The following MTSS1 variants were observed in gnomAD, a reference collection of about 807,000 sequenced individuals.
MTSS1 encodes MTSS I-BAR domain containing 1.
Under a neutral mutation model 79.0 loss-of-function variants are expected in MTSS1, and 18 were observed. That is an observed-to-expected ratio of 0.23 (90% CI 0.16 to 0.34). The LOEUF is 0.34. Among genes scored for constraint, MTSS1 ranks in the 10% least tolerant of loss-of-function variants. MTSS1 has a pLI of 1.00. For missense variants in MTSS1, 815 were observed against 986.2 expected (o/e 0.83, Z 2.33); for synonymous variants, 341 against 368.6 (o/e 0.93, Z 0.86).
chr8:124,625,524 G>A (rs578089671), intron 3 of MTSS1, among the ~76,000 whole-genome samples: 13 of 152,298 alleles, frequency 8.5e-5, no homozygotes, highest in African/African-American at 2.4e-4. Context: ...GGACACAGAC[G>A]TTCAGTTCTC....
intron 6 of MTSS1, among the ~76,000 whole-genome samples, chr8:124,572,823 T>C (rs1828115197): frequency 6.7e-6 from 1 of 149,486 alleles, no homozygotes; most frequent in African/African-American, 2.5e-5. Context: ...CTCAGCTCAC[T>C]GCAACCTCCG....
intron 1 of MTSS1, among the ~76,000 whole-genome samples, chr8:124,717,225 C>T (rs1399036905): frequency 2.0e-5 from 3 of 152,118 alleles, no homozygotes; most frequent in African/African-American, 4.8e-5. Context: ...GGCATGGTGG[C>T]TCATGCCTGT....
Position 124,591,184 on chromosome 8 carries a change from C to T in MTSS1, c.260G>A (p.Arg87Lys), listed in dbSNP as rs750032571. 1 of 1,614,250 alleles carries T rather than the reference C, an allele frequency of 6.2e-7. No individual in the cohort carries two copies. Among genetic ancestry groups the T allele is most frequent in the South Asian group, 1.1e-5 (1 of 91,088 alleles). The change falls in exon 4 of 14, where the codon AGA becomes AAA. Residue 87 changes from arginine to lysine, a missense_variant. Arg to Lys is a conservative substitution (Grantham distance 26). Coordinates refer to ENST00000518547, the MANE Select transcript of MTSS1 (RefSeq NM_014751.6). ...SALTRMCMRHRSIEAKLRQFS... is the reference protein window; with the variant it reads ...SALTRMCMRHKSIEAKLRQFS... ...CTGCCTCAGCTTGGCTTCAATGCTT[C>T]TGTGCCTCATGCACATCCTGGTGAG...
intron 3 of MTSS1, among the ~76,000 whole-genome samples, chr8:124,646,190 T>G (rs1370101817): frequency 6.6e-6 from 1 of 152,214 alleles, no homozygotes; most frequent in African/African-American, 2.4e-5. Context: ...TCCATCTCAC[T>G]GGAATATTAG....
rs1833949412 is a variant in MTSS1 at position 124,727,764 on chromosome 8, AGGTGGCC to A, written c.72+113_72+119del. On this transcript the variant is annotated intron_variant, in intron 1 of 13. Coordinates refer to ENST00000518547, the MANE Select transcript of MTSS1 (RefSeq NM_014751.6). The surrounding 1 kb of genome is among the most constrained non-coding windows in gnomAD (Gnocchi z 4.7). ...TGACACTCCGGCCGGGAGCTCCCGC[AGGTGGCC>A]GGTGGCCACACTGCAGGGAAGGGCC... is the stretch of plus-strand genomic sequence containing the variant. 2 of 828,908 alleles carry A rather than the reference AGGTGGCC, an allele frequency of 2.4e-6. No homozygotes were observed. The highest frequency in any genetic ancestry group is 3.1e-5 in the East Asian group (1 of 32,584). The allele number at this position is 828,908 out of a possible 1,614,324, so 51.3% of individuals were successfully genotyped here.
chr8:124,578,359 A>G (rs1423871509), intron 6 of MTSS1, among the ~76,000 whole-genome samples: 3 of 152,098 alleles, frequency 2.0e-5, no homozygotes, highest in Admixed American at 1.3e-4. Flanking sequence ...GTGTTGGTGC[A>G]CGCTGTCCTC....
intron 3 of MTSS1, among the ~76,000 whole-genome samples, chr8:124,622,054 AAGAGAAAGAGAGAGAG>A (rs1248936448): frequency 4.0e-5 from 4 of 101,070 alleles, no homozygotes; most frequent in African/African-American, 1.9e-4. Context: ...GAGAGACAGA[AAGAGAAAGAGAGAGAG>A]AGAGAGAGAG....
intron 3 of MTSS1, among the ~76,000 whole-genome samples, chr8:124,604,607 A>T (rs1834486538): frequency 6.6e-6 from 1 of 151,908 alleles, no homozygotes; most frequent in African/African-American, 2.4e-5. Flanking sequence ...TTTTTTTTTA[A>T]AAAACCTGTT....
At chr8:124,689,952 GGGA>G (rs973898190) in intron 3 of MTSS1, among the ~76,000 whole-genome samples, 24 of 152,074 alleles carry the variant, frequency 1.6e-4, no homozygotes, top group Non-Finnish European at 3.1e-4. Context: ...AAAGAGGTGG[GGGA>G]GGAGAAGAGG....
At chr8:124,649,865 CA>C (rs776421658) in intron 3 of MTSS1, among the ~76,000 whole-genome samples, 1 of 151,990 alleles carries the variant, frequency 6.6e-6, no homozygotes, top group Non-Finnish European at 1.5e-5. Flanking sequence ...TTTCAATTAT[CA>C]AACTTACGGC....
intron 3 of MTSS1, among the ~76,000 whole-genome samples, chr8:124,687,554 G>A (rs962224772): frequency 4.6e-5 from 7 of 152,154 alleles, no homozygotes; most frequent in Non-Finnish European, 8.8e-5. Flanking sequence ...GAGAGAGACA[G>A]GGGTCAGGAA....
In MTSS1 at chr8:124,690,310, G is replaced by C. The variant is rs545457410; in HGVS notation, c.208+9216C>G. ...TAATGGGGAAACCCCATTGAATGGA[G>C]CAAGACTTTCTCTCTGTTAGGGGTA... On this transcript the variant is annotated intron_variant, in intron 3 of 13. Coordinates refer to ENST00000518547, the MANE Select transcript of MTSS1 (RefSeq NM_014751.6). 2.1e-4 allele frequency among the ~76,000 whole-genome samples: 32 copies of C among 152,336 alleles called. 1 individual carries two copies. The South Asian group carries it at 5.6e-3, about 27-fold the overall frequency.
At chr8:124,589,823 C>G in intron 4 of MTSS1, 112 bp from the exon 5 acceptor site, 1 of 753,004 alleles carries the variant, frequency 1.3e-6, no homozygotes, top group Non-Finnish European at 2.2e-6. Flanking sequence ...GAAACGTTCT[C>G]ATCTAAACCC....
rs1225346979 is a variant in MTSS1, at chr8:124,589,705, T to C, written c.300A>G (p.Leu100=). 6.2e-7 allele frequency: 1 copy of C among 1,610,374 alleles called. No individual in the cohort carries two copies. The highest frequency in any genetic ancestry group is 1.1e-5 in the South Asian group (1 of 90,338). Residue 100 remains leucine, a synonymous_variant, in exon 5 of 14, where the codon TTA becomes TTG. Transcript: ENST00000518547. ...EAKLRQFSSA[L]IDCLINPLQE... ...GAAGTGGGTTTATCAGACAATCAAT[T>C]AAAGCGCTTTTACCAAGCGGGGGGG... is the stretch of plus-strand genomic sequence containing the variant.
At chr8:124,681,448 G>A (rs2134979485) in intron 3 of MTSS1, among the ~76,000 whole-genome samples, 1 of 152,266 alleles carries the variant, frequency 6.6e-6, no homozygotes, top group African/African-American at 2.4e-5. Context: ...TTCAATGATA[G>A]AAATACATGA....
At chr8:124,662,859 G>A (rs1822323935) in intron 3 of MTSS1, among the ~76,000 whole-genome samples, 2 of 152,008 alleles carry the variant, frequency 1.3e-5, no homozygotes, top group African/African-American at 4.8e-5. Flanking sequence ...GTATCCAAGG[G>A]GACCGTGTAA....
intron 3 of MTSS1, among the ~76,000 whole-genome samples, chr8:124,659,764 G>A (rs542376515): frequency 3.3e-5 from 5 of 152,160 alleles, no homozygotes; most frequent in Admixed American, 2.0e-4. Context: ...CACCTGGGCC[G>A]CTCCGCTCCC....
At position 124,555,782 on chromosome 8, in the gene MTSS1, T is replaced by C; in HGVS notation, c.1527A>G (p.Thr509=). ...TGTCCTCAGAGCAGCAGGGGGTGGT[T>C]GTCTGGGTGCTGTAGCCGCTGGAGC... The part of the protein sequence containing the change: ...LQCSSGYSTQ[T]TTPCCSEDTI... The change falls in exon 13 of 14, where the codon ACA becomes ACG. Residue 509 remains threonine, a synonymous_variant. Transcript: ENST00000518547. 1.2e-6 allele frequency: 2 copies of C among 1,613,348 alleles called. No homozygotes were observed. The highest frequency in any genetic ancestry group is 1.7e-6 in the Non-Finnish European group (2 of 1,179,716).
chr8:124,714,410 G>A (rs1419154348), intron 1 of MTSS1, among the ~76,000 whole-genome samples: 1 of 152,174 alleles, frequency 6.6e-6, no homozygotes, highest in East Asian at 1.9e-4. Flanking sequence ...TGCATTAACT[G>A]TTATTTGCTC....
Sources: gnomAD v4.1 joint callset for allele counts (sites outside exome capture counted in the v4.1 genomes callset) on GRCh38, gnomAD v4.1.1 for gene constraint, Gnocchi (gnomAD v3.1) non-coding constraint, MANE v1.5 for transcripts, NCBI Gene and HGNC (gene_info 2026-07-23, HGNC 2026-07-21) for gene names.